BBS9: variants seen among roughly 807,000 people sequenced by gnomAD.
BBS9 encodes the protein protein PTHB1.
A neutral mutation model predicts 117.7 loss-of-function variants in BBS9; 89 were observed. That is an observed-to-expected ratio of 0.76 (90% CI 0.64 to 0.90). The LOEUF is 0.90. BBS9 is among the 40% of genes least tolerant of loss of function. The pLI, the probability that BBS9 is intolerant of heterozygous loss-of-function variation, is 0.00. For synonymous variants in BBS9, 379 were observed against 370.9 expected, an observed-to-expected ratio of 1.02 and a Z score of -0.25; for missense variants, 982 against 1,042.2, an observed-to-expected ratio of 0.94 and a Z score of 0.80.
intron 19 of BBS9, among the ~76,000 whole-genome samples, chr7:33,436,377 A>T (rs73689618): frequency 0.011 from 1,675 of 152,276 alleles, 35 homozygotes; most frequent in African/African-American, 0.038. Flanking sequence ...ATTATTAATG[A>T]TTAATGTAAT....
chr7:33,245,586 T>C (rs1795206596), intron 5 of BBS9, among the ~76,000 whole-genome samples: 1 of 152,262 alleles, frequency 6.6e-6, no homozygotes, highest in African/African-American at 2.4e-5. Context: ...TGGAGAGGCA[T>C]GGTGAATAAA....
intron 9 of BBS9, among the ~76,000 whole-genome samples, chr7:33,307,973 C>T (rs760041980): frequency 5.3e-5 from 8 of 152,196 alleles, no homozygotes; most frequent in Non-Finnish European, 1.0e-4. Flanking sequence ...ATTGTTAGCA[C>T]ATCTCCAAAG....
intron 5 of BBS9, among the ~76,000 whole-genome samples, chr7:33,231,029 A>G (rs1391322804): frequency 6.6e-6 from 1 of 152,154 alleles, no homozygotes; most frequent in Admixed American, 6.5e-5. Context: ...ACTAATTTAT[A>G]TTCCCACCAG....
chr7:33,292,097 A>G (rs1804167570), intron 9 of BBS9, among the ~76,000 whole-genome samples: 1 of 152,248 alleles, frequency 6.6e-6, no homozygotes, highest in Non-Finnish European at 1.5e-5. Context: ...TGCATGATGA[A>G]GAGATTAATG....
In BBS9 at chr7:33,349,143, T is replaced by C. The variant is rs772163711; in HGVS notation, c.1405T>C (p.Cys469Arg). The C allele has an allele frequency of 2.5e-6, 4 of 1,613,022 alleles. No individual in the cohort carries two copies. The highest frequency in any genetic ancestry group is 3.4e-6 in the Non-Finnish European group (4 of 1,179,260). The change falls in exon 13 of 23, where the codon TGT becomes CGT. Residue 469 changes from cysteine to arginine, a missense_variant. Physicochemically the swap from Cys to Arg is radical, Grantham distance 180. Coordinates refer to ENST00000242067, the MANE Select transcript of BBS9 (RefSeq NM_198428.3). ...CGTGCAACCACCATTAGAATTGACT[T>C]GTGATCAGTTCACCTTTGAATTTAT... ...VYVQPPLELT[C>R]DQFTFEFMTP... is the part of the protein sequence containing the mutation.
rs988747703 is a variant in BBS9, at chr7:33,616,585, G to A, written c.2522-18592G>A. ...CACAAAAGGAAGAAAAAGAGTGAAA[G>A]AGAAAAATAGGAAAAAAAATGGGGG... On this transcript the variant is annotated intron_variant, in intron 21 of 21. Coordinates refer to the BBS9 transcript ENST00000671952. Among the ~76,000 whole-genome samples the A allele has an allele frequency of 2.0e-5, 3 of 149,314 alleles. No homozygotes were observed. In the East Asian group the frequency reaches 5.9e-4, roughly 30 times the overall value.
At chr7:33,373,987 A>G (rs1308933813) in intron 17 of BBS9, among the ~76,000 whole-genome samples, 1 of 152,202 alleles carries the variant, frequency 6.6e-6, no homozygotes, top group African/African-American at 2.4e-5. Context: ...GGTAGACAAT[A>G]CATTTATTCC....
chr7:33,166,995 T>A (rs549715383), intron 4 of BBS9, among the ~76,000 whole-genome samples: 6 of 152,334 alleles, frequency 3.9e-5, no homozygotes, highest in Non-Finnish European at 8.8e-5. Flanking sequence ...ATCAGAGCTG[T>A]TCCTATGTGA....
intron 21 of BBS9, among the ~76,000 whole-genome samples, chr7:33,616,491 G>GTATATA (rs1255562311): frequency 4.0e-4 from 56 of 138,746 alleles, no homozygotes; most frequent in African/African-American, 1.3e-3. Context: ...GTGTGTGTGT[G>GTATATA]TGTATATATA....
chr7:33,548,645 G>A (rs1225190400), intron 21 of BBS9, among the ~76,000 whole-genome samples: 1 of 151,758 alleles, frequency 6.6e-6, no homozygotes, highest in Admixed American at 6.6e-5. Context: ...GACAAACAGA[G>A]AGCCAAATCA....
chr7:33,249,040 A>G (rs1253799762), intron 5 of BBS9, among the ~76,000 whole-genome samples: 1 of 152,166 alleles, frequency 6.6e-6, no homozygotes, highest in African/African-American at 2.4e-5. Context: ...ATGCTGAGTA[A>G]TGGTAGTTTT....
intron 5 of BBS9, among the ~76,000 whole-genome samples, chr7:33,214,482 G>C (rs543932932): frequency 2.2e-4 from 33 of 152,318 alleles, no homozygotes; most frequent in African/African-American, 7.5e-4. Flanking sequence ...GTGATATGGA[G>C]TTAAAACTAC....
intron 16 of BBS9, among the ~76,000 whole-genome samples, chr7:33,359,992 A>G (rs1820326581): frequency 1.3e-5 from 2 of 152,050 alleles, no homozygotes; most frequent in African/African-American, 2.4e-5. Flanking sequence ...TATTTTTTCT[A>G]AGCATTTATC....
intron 19 of BBS9, among the ~76,000 whole-genome samples, chr7:33,440,075 T>A (rs550195510): frequency 6.6e-6 from 1 of 152,310 alleles, no homozygotes; most frequent in South Asian, 2.1e-4. Context: ...ACGTTAGGGC[T>A]GGCGGTTTTC....
chr7:33,539,353 C>T (rs574797293), intron 21 of BBS9, among the ~76,000 whole-genome samples: 293 of 152,254 alleles, frequency 1.9e-3, no homozygotes, highest in African/African-American at 6.4e-3. Context: ...GTTATGGCTA[C>T]GTAGATATGA....
chr7:33,518,269 T>G (rs79562192), intron 20 of BBS9, among the ~76,000 whole-genome samples: 2,425 of 123,474 alleles, frequency 0.02, 21 homozygotes, highest in South Asian at 0.14. Flanking sequence ...TTTTTTTTTT[T>G]GAGATGGAGT....
intron 19 of BBS9, among the ~76,000 whole-genome samples, chr7:33,494,346 A>G (rs1287914075): frequency 6.6e-6 from 1 of 152,210 alleles, no homozygotes; most frequent in East Asian, 1.9e-4. Context: ...TCTAGAGTGC[A>G]CTTAAAACTG....
chr7:33,336,699 G>A (rs1815442296), intron 10 of BBS9, 77 bp downstream of exon 10: 2 of 1,075,600 alleles, frequency 1.9e-6, no homozygotes, highest in South Asian at 2.9e-5. Flanking sequence ...ATATTATTTT[G>A]TGTATTTGTT....
At chr7:33,607,646 T>C (rs1035248598), downstream of BBS9, among the ~76,000 whole-genome samples, 2 of 152,092 alleles carry the variant, frequency 1.3e-5, no homozygotes, top group African/African-American at 4.8e-5. Flanking sequence ...ACTTCTTTAA[T>C]TATAGACAAT....
Sources: allele counts gnomAD v4.1 joint callset (sites outside exome capture counted in the v4.1 genomes callset), GRCh38; gene constraint gnomAD v4.1.1; transcripts MANE v1.5; gene names NCBI Gene and HGNC (gene_info 2026-07-23, HGNC 2026-07-21).